Variants in ALK observed in about 807,000 individuals in gnomAD.
The protein encoded by ALK is ALK tyrosine kinase receptor.
A neutral mutation model predicts 163.1 loss-of-function variants in ALK; 74 were observed. The ratio of observed to expected loss-of-function variants is 0.45; its 90% CI spans 0.38 to 0.55. The LOEUF is 0.55. Ranked by LOEUF, ALK falls within the 20% of genes least tolerant of loss-of-function variation. The pLI, the probability that ALK is intolerant of heterozygous loss-of-function variation, is 0.00. For synonymous variants in ALK, 960 were observed against 843.2 expected (o/e 1.14, Z -2.40); for missense variants, 2,063 against 2,105.3 (o/e 0.98, Z 0.39).
At chr2:29,498,875 G>A (rs1185392230) in intron 4 of ALK, among the ~76,000 whole-genome samples, 3 of 152,126 alleles carry the variant, frequency 2.0e-5, no homozygotes, top group Admixed American at 6.5e-5. Context: ...AGTCAGAGAC[G>A]GTGGCATGAA....
At chr2:29,282,450 A>G (rs1419173446) in intron 9 of ALK, among the ~76,000 whole-genome samples, 1 of 152,176 alleles carries the variant, frequency 6.6e-6, no homozygotes, top group African/African-American at 2.4e-5. Context: ...GTCAAACGCA[A>G]TCATGGCTAG....
intron 1 of ALK, among the ~76,000 whole-genome samples, chr2:29,820,276 A>T (rs944216165): frequency 2.6e-5 from 4 of 152,168 alleles, no homozygotes; most frequent in African/African-American, 9.7e-5. Context: ...AAGTCCACAC[A>T]GGGAGGAAGT....
At chr2:29,212,857 C>T (rs1669500858) in intron 24 of ALK, among the ~76,000 whole-genome samples, 2 of 152,148 alleles carry the variant, frequency 1.3e-5, no homozygotes, top group South Asian at 2.1e-4. Flanking sequence ...AGGCGTCCCC[C>T]ACCATGCCTG....
chr2:29,462,807 C>T (rs1269816028), intron 4 of ALK, among the ~76,000 whole-genome samples: 1 of 152,072 alleles, frequency 6.6e-6, no homozygotes, highest in African/African-American at 2.4e-5. Context: ...TCCTTGAAAA[C>T]AGTGTTATAA....
intron 1 of ALK, among the ~76,000 whole-genome samples, 153 bp downstream of exon 1, chr2:29,919,840 C>A (rs928276756): frequency 9.2e-5 from 14 of 152,202 alleles, no homozygotes; most frequent in Non-Finnish European, 1.3e-4. Flanking sequence ...AAACTACGGT[C>A]TGATTCGGGA....
At chr2:29,566,984 G>A (rs1412289445) in intron 3 of ALK, among the ~76,000 whole-genome samples, 1 of 152,146 alleles carries the variant, frequency 6.6e-6, no homozygotes. Flanking sequence ...CATAAGCTAT[G>A]AGTAATTTTC....
In ALK at chr2:29,233,584, C is replaced by G; in HGVS notation, c.2468G>C (p.Gly823Ala). 6.2e-7 allele frequency: 1 copy of G among 1,614,174 alleles called. No individual in the cohort carries two copies. Among genetic ancestry groups the G allele is most frequent in the Non-Finnish European group, 8.5e-7 (1 of 1,180,036 alleles). Residue 823 changes from glycine to alanine, a missense_variant, in exon 14 of 29, where the codon GGA (glycine) becomes GCA (alanine). This residue lies in a region of ALK where 575 missense variants were observed against 626.6 expected (regional missense o/e 0.92). Transcript: ENST00000389048. ...CCATACCTTAAATACGTAGGTGGCT[C>G]CACCCCCTCCTCCTCCGCCTCCTGC... ...EWAGGGGGGG[G>A]ATYVFKMKDG...
At chr2:29,770,938 T>C (rs1354722705) in intron 1 of ALK, among the ~76,000 whole-genome samples, 4 of 150,260 alleles carry the variant, frequency 2.7e-5, no homozygotes, top group Non-Finnish European at 3.0e-5. Context: ...CACACACACA[T>C]AGACACACAG....
intron 3 of ALK, among the ~76,000 whole-genome samples, chr2:29,607,496 T>C (rs1675570781): frequency 6.6e-6 from 1 of 152,098 alleles, no homozygotes; most frequent in Admixed American, 6.6e-5. Context: ...TTGAACCCAC[T>C]CTAGTCAGGC....
chr2:29,835,159 T>C (rs538621463), intron 1 of ALK, among the ~76,000 whole-genome samples: 73 of 152,322 alleles, frequency 4.8e-4, no homozygotes, highest in African/African-American at 1.5e-3. Flanking sequence ...AAATAATAAG[T>C]AGCAAGAGTT....
chr2:29,705,284 T>A lies in ALK; in HGVS notation c.788-10270A>T, dbSNP rs760164956. On this transcript the variant is annotated intron_variant, in intron 2 of 28. Transcript: ENST00000389048. ...ATATATATATATATATATATATAAA[T>A]ATATATCTGCTGTGATGATTGCATA... 2.8e-3 allele frequency among the ~76,000 whole-genome samples: 325 copies of A among 116,266 alleles called. 7 individuals carry two copies. The Middle Eastern group carries it at 0.034, about 12-fold the overall frequency. 76.3% of individuals were successfully genotyped at this position (116,266 alleles called of 152,430 possible).
intron 5 of ALK, among the ~76,000 whole-genome samples, chr2:29,369,095 A>G (rs538020179): frequency 7.2e-5 from 11 of 152,176 alleles, no homozygotes; most frequent in Admixed American, 3.9e-4. Flanking sequence ...CTTAGCTCCA[A>G]TGTAACTTCT....
At chr2:29,830,460 G>A (rs568114304) in intron 1 of ALK, among the ~76,000 whole-genome samples, 7 of 152,154 alleles carry the variant, frequency 4.6e-5, no homozygotes, top group African/African-American at 1.7e-4. Flanking sequence ...AGAGACTTCA[G>A]GTAAGAGGAG....
At chr2:29,477,608 T>C (rs974009070) in intron 4 of ALK, among the ~76,000 whole-genome samples, 4 of 152,200 alleles carry the variant, frequency 2.6e-5, no homozygotes, top group Non-Finnish European at 5.9e-5. Flanking sequence ...AGATGGCTTC[T>C]CAGTGGTCCC....
intron 4 of ALK, among the ~76,000 whole-genome samples, chr2:29,442,363 G>A (rs12615379): frequency 0.78 from 119,131 of 151,974 alleles, 48,678 homozygotes; most frequent in Non-Finnish European, 0.91. Flanking sequence ...CCAGAAGTTT[G>A]CCTATAAACA....
rs553797267 is a variant in ALK, at chr2:29,638,298, T to C, written c.952+56552A>G. ...TGCCTAGGGGCACAGAACATGACTGTACATCAACACATAGTAACTTTTTGC... is the reference window on the plus strand; with the variant it reads ...TGCCTAGGGGCACAGAACATGACTGCACATCAACACATAGTAACTTTTTGC... On this transcript the variant is annotated intron_variant, in intron 3 of 28. Coordinates refer to ENST00000389048, the MANE Select transcript of ALK (RefSeq NM_004304.5). Among the ~76,000 whole-genome samples, 6 of 152,344 alleles carry C rather than the reference T, an allele frequency of 3.9e-5. No homozygotes were observed. The East Asian group carries it at 9.6e-4, about 24-fold the overall frequency.
rs142620525 is a variant in ALK, at chr2:29,543,210, G to A, written c.953-11094C>T. 8.9e-3 allele frequency among the ~76,000 whole-genome samples: 1,352 copies of A among 152,246 alleles called. 31 individuals carry two copies. Among genetic ancestry groups the A allele is most frequent in the African/African-American group, 0.031 (1,274 of 41,534 alleles). On this transcript the variant is annotated intron_variant, in intron 3 of 28. Coordinates refer to ENST00000389048, the MANE Select transcript of ALK (RefSeq NM_004304.5). ...AGAGGTGGCAGCAGATTATGGAAGG[G>A]TGAGGGGAGGAAACATATGGCAAGA...
intron 3 of ALK, among the ~76,000 whole-genome samples, chr2:29,681,733 T>G (rs1370829965): frequency 6.6e-6 from 1 of 151,854 alleles, no homozygotes; most frequent in Non-Finnish European, 1.5e-5. Flanking sequence ...CACTTTCACC[T>G]ACAACCCCCC....
At chr2:29,538,742 G>T (rs1188127385) in intron 3 of ALK, among the ~76,000 whole-genome samples, 1 of 151,764 alleles carries the variant, frequency 6.6e-6, no homozygotes, top group Non-Finnish European at 1.5e-5. Flanking sequence ...TTTTTTTTAA[G>T]GATTTCTAAC....
Sources: gnomAD v4.1 joint callset for allele counts (sites outside exome capture counted in the v4.1 genomes callset) on GRCh38, gnomAD v4.1.1 for gene constraint, gnomAD v4.1.1 regional missense constraint, MANE v1.5 for transcripts, NCBI Gene and HGNC (gene_info 2026-07-23, HGNC 2026-07-21) for gene names.